Variants in CAMTA1 observed in about 807,000 individuals in gnomAD.
CAMTA1 encodes calmodulin binding transcription activator 1.
CAMTA1 carries 27 observed loss-of-function variants against 170.9 expected under a neutral mutation model. That is an observed-to-expected ratio of 0.16 (90% CI 0.12 to 0.22). The LOEUF is 0.22. Ranked by LOEUF, CAMTA1 falls within the 10% of genes least tolerant of loss-of-function variation. CAMTA1 has a pLI of 1.00. For synonymous variants in CAMTA1, 833 were observed against 891.5 expected (o/e 0.93, Z 1.17); for missense variants, 1,619 against 2,217.2 (o/e 0.73, Z 5.42).
intron 11 of CAMTA1, among the ~76,000 whole-genome samples, chr1:7,704,158 A>ACGCCGC (rs563084091): frequency 2.7e-5 from 4 of 149,998 alleles, no homozygotes; most frequent in Admixed American, 1.3e-4. Flanking sequence ...TGCATTGCAG[A>ACGCCGC]CGCCGCCGCC....
rs529145538 is a variant in CAMTA1 at position 7,499,906 on chromosome 1, AGT to A, written c.510+32015_510+32016del. On this transcript the variant is annotated intron_variant, in intron 6 of 22. Coordinates refer to ENST00000303635, the MANE Select transcript of CAMTA1 (RefSeq NM_015215.4). The stretch of plus-strand genomic sequence containing the variant: ...CCTGGTGTGCATGCTTATGTATATG[AGT>A]GTGTGTGTGCATGAGTGAGTGTGCA... 4.5e-3 allele frequency among the ~76,000 whole-genome samples: 615 copies of A among 135,530 alleles called. 24 individuals carry two copies. The highest frequency in any genetic ancestry group is 0.016 in the African/African-American group (572 of 34,784). 88.9% of individuals were successfully genotyped at this position (135,530 alleles called of 152,430 possible).
intron 3 of CAMTA1, among the ~76,000 whole-genome samples, chr1:6,961,845 G>C (rs575488330): frequency 6.6e-6 from 1 of 152,342 alleles, no homozygotes; most frequent in East Asian, 1.9e-4. Context: ...TAAACTAGAA[G>C]GGGCGTCTGG....
At chr1:6,876,148 CT>C (rs1487523209) in intron 3 of CAMTA1, among the ~76,000 whole-genome samples, 1 of 151,914 alleles carries the variant, frequency 6.6e-6, no homozygotes, top group East Asian at 1.9e-4. Context: ...CTTGCTTGTT[CT>C]TTCATTTTTT....
At position 7,002,053 on chromosome 1, in the gene CAMTA1, C is replaced by T. The variant is rs188726401; in HGVS notation, c.235-89251C>T. ...CTGAGATTACAGGCGCCTACCACCA[C>T]GCCTGGATAAATTTTTGTATTTTTA... On this transcript the variant is annotated intron_variant, in intron 3 of 22. Transcript: ENST00000303635. Among the ~76,000 whole-genome samples, 108 of 152,120 alleles carry T rather than the reference C, an allele frequency of 7.1e-4. No individual in the cohort carries two copies. The East Asian group carries it at 8.5e-3, about 12-fold the overall frequency.
intron 3 of CAMTA1, among the ~76,000 whole-genome samples, chr1:6,906,149 G>A (rs567351940): frequency 6.6e-6 from 1 of 151,792 alleles, no homozygotes; most frequent in East Asian, 1.9e-4. Flanking sequence ...GTGATGCTAA[G>A]AAGAGGGATT....
intron 4 of CAMTA1, among the ~76,000 whole-genome samples, chr1:7,228,135 G>A (rs1662046042): frequency 6.6e-6 from 1 of 152,260 alleles, no homozygotes; most frequent in African/African-American, 2.4e-5. Context: ...CATGATTGGG[G>A]AACATCATGG....
rs755184840 is a variant in CAMTA1, at chr1:7,736,919, T to C, written c.3264-12T>C. On this transcript the variant is annotated splice_polypyrimidine_tract_variant and intron_variant, in intron 13 of 22. Transcript: ENST00000303635. The surrounding 1 kb of genome is among the most constrained non-coding windows in gnomAD (Gnocchi z 4.5). ...TGAATAGTGTGGTAATTTCTGGTGC[T>C]CTCCCTTATAGTACAAAGCACGCGG... is the stretch of plus-strand genomic sequence containing the variant. 6.2e-7 allele frequency: 1 copy of C among 1,607,392 alleles called. No homozygotes were observed. The highest frequency in any genetic ancestry group is 1.1e-5 in the South Asian group (1 of 90,068).
chr1:7,058,491 G>A (rs1255560353), intron 3 of CAMTA1, among the ~76,000 whole-genome samples: 3 of 152,260 alleles, frequency 2.0e-5, no homozygotes, highest in Non-Finnish European at 4.4e-5. Flanking sequence ...TGAAAGGCCG[G>A]GGCAGGTGCT....
intron 6 of CAMTA1, among the ~76,000 whole-genome samples, chr1:7,475,246 ATAAAGCC>A (rs2093401747): frequency 6.6e-6 from 1 of 152,208 alleles, no homozygotes; most frequent in Non-Finnish European, 1.5e-5. Context: ...TGGCTTGGAA[ATAAAGCC>A]TGACGGCACT....
chr1:7,036,066 T>G (rs1402738190), intron 3 of CAMTA1, among the ~76,000 whole-genome samples: 1 of 152,132 alleles, frequency 6.6e-6, no homozygotes, highest in Non-Finnish European at 1.5e-5. Flanking sequence ...AAATAAAAAC[T>G]AAATGGAAGA....
At chr1:7,495,503 C>G (rs1261476551) in intron 6 of CAMTA1, among the ~76,000 whole-genome samples, 1 of 152,196 alleles carries the variant, frequency 6.6e-6, no homozygotes, top group Non-Finnish European at 1.5e-5. Context: ...CTGGCATCTA[C>G]CCGGCTTGGG....
rs559633137 is a variant in CAMTA1 at position 7,385,822 on chromosome 1, CACT to C, written c.439-82007_439-82005del. 7.2e-5 allele frequency among the ~76,000 whole-genome samples: 11 copies of C among 152,334 alleles called. No individual in the cohort carries two copies. In the South Asian group the frequency reaches 2.3e-3, roughly 32 times the overall value. On this transcript the variant is annotated intron_variant, in intron 5 of 22. Coordinates refer to ENST00000303635, the MANE Select transcript of CAMTA1 (RefSeq NM_015215.4). Reference sequence around the variant, plus strand: ...CTCTCTTCCACATTTGGCCTCCCAGCACTGGGCGCCTCTGACGGTCTGATTGAA... The same window carrying C: ...CTCTCTTCCACATTTGGCCTCCCAGCGGGCGCCTCTGACGGTCTGATTGAA...
At chr1:6,893,395 C>T (rs1374963348) in intron 3 of CAMTA1, among the ~76,000 whole-genome samples, 3 of 152,242 alleles carry the variant, frequency 2.0e-5, no homozygotes, top group African/African-American at 7.2e-5. Flanking sequence ...GGGCGAGCTG[C>T]TCCCTTGCAG....
At chr1:7,301,522 T>G (rs531785386) in intron 5 of CAMTA1, among the ~76,000 whole-genome samples, 1 of 152,274 alleles carries the variant, frequency 6.6e-6, no homozygotes, top group Admixed American at 6.5e-5. Flanking sequence ...GAGCCTGTAG[T>G]GCTGGTGCCT....
intron 6 of CAMTA1, among the ~76,000 whole-genome samples, chr1:7,517,194 G>A (rs773761021): frequency 3.3e-5 from 5 of 152,138 alleles, no homozygotes; most frequent in South Asian, 2.1e-4. Flanking sequence ...TAGCCAGTCC[G>A]TGAGCGTGGG....
At chr1:7,631,180 C>G (rs968678765) in intron 6 of CAMTA1, among the ~76,000 whole-genome samples, 6 of 152,274 alleles carry the variant, frequency 3.9e-5, no homozygotes, top group South Asian at 2.1e-4. Context: ...CAGCCAGGAG[C>G]CTTCCAGCCA....
intron 5 of CAMTA1, among the ~76,000 whole-genome samples, chr1:7,337,652 C>T (rs557900130): frequency 1.1e-4 from 16 of 151,150 alleles, no homozygotes; most frequent in Admixed American, 8.6e-4. Flanking sequence ...ACAATGTGGG[C>T]GGTGGGCCTC....
chr1:7,388,963 G>T (rs528760284), intron 5 of CAMTA1, among the ~76,000 whole-genome samples: 3 of 152,204 alleles, frequency 2.0e-5, no homozygotes, highest in Non-Finnish European at 4.4e-5. Context: ...ACTGGGGCAG[G>T]GCCCTAACGC....
intron 3 of CAMTA1, among the ~76,000 whole-genome samples, chr1:6,945,230 G>A (rs2149448945): frequency 6.6e-6 from 1 of 152,294 alleles, no homozygotes; most frequent in Non-Finnish European, 1.5e-5. Context: ...AAAATGTATA[G>A]TTCCATGGAT....
Sources: gnomAD v4.1 joint callset for allele counts (sites outside exome capture counted in the v4.1 genomes callset) on GRCh38, gnomAD v4.1.1 for gene constraint, Gnocchi (gnomAD v3.1) non-coding constraint, MANE v1.5 for transcripts, NCBI Gene and HGNC (gene_info 2026-07-23, HGNC 2026-07-21) for gene names.